The following ATAD2B variants were observed in gnomAD, a reference collection of about 807,000 sequenced individuals.
ATAD2B encodes ATPase family AAA domain-containing protein 2B.
ATAD2B carries 40 observed loss-of-function variants against 167.6 expected under a neutral mutation model. That is an observed-to-expected ratio of 0.24 (90% CI 0.19 to 0.31). The LOEUF is 0.31. Ranked by LOEUF, ATAD2B falls within the 10% of genes least tolerant of loss-of-function variation. The pLI is 1.00. For missense variants in ATAD2B, 1,242 were observed against 1,757.2 expected, an observed-to-expected ratio of 0.71 and a Z score of 5.24; for synonymous variants, 579 against 596.5, an observed-to-expected ratio of 0.97 and a Z score of 0.43.
intron 12 of ATAD2B, among the ~76,000 whole-genome samples, chr2:23,857,739 ATTT>A (rs34857462): frequency 3.3e-5 from 4 of 120,646 alleles, no homozygotes; most frequent in Non-Finnish European, 3.3e-5. Context: ...ACCAAAGTGT[ATTT>A]TTTTTTTTTT....
chr2:23,725,549 G>A, the ATAD2B span, among the ~76,000 whole-genome samples: 1 of 152,052 alleles, frequency 6.6e-6, no homozygotes. Context: ...TATTACTTAA[G>A]GTAGAAAAAT....
intron 24 of ATAD2B, among the ~76,000 whole-genome samples, chr2:23,759,765 T>C (rs978726384): frequency 6.6e-6 from 1 of 152,172 alleles, no homozygotes; most frequent in Non-Finnish European, 1.5e-5. Context: ...AGAAGAAAAT[T>C]TCTGTATTAA....
At chr2:23,905,053 G>T (rs1305266183) in intron 1 of ATAD2B, among the ~76,000 whole-genome samples, 1 of 151,932 alleles carries the variant, frequency 6.6e-6, no homozygotes, top group East Asian at 1.9e-4. Context: ...TACAGAAAGA[G>T]AAAAAAATAC....
intron 20 of ATAD2B, among the ~76,000 whole-genome samples, chr2:23,787,809 A>G (rs1313001650): frequency 5.9e-5 from 9 of 152,080 alleles, no homozygotes; most frequent in Admixed American, 2.6e-4. Context: ...AAGATTAAGC[A>G]GGTAGATCTT....
At chr2:23,845,047 A>G (rs60602834) in intron 13 of ATAD2B, among the ~76,000 whole-genome samples, 243 of 152,306 alleles carry the variant, frequency 1.6e-3, no homozygotes, top group African/African-American at 5.7e-3. Flanking sequence ...CTGAAGCAAT[A>G]CAAATGAGAA....
chr2:23,892,970 T>C (rs896437180), intron 2 of ATAD2B, among the ~76,000 whole-genome samples: 1 of 152,204 alleles, frequency 6.6e-6, no homozygotes, highest in Non-Finnish European at 1.5e-5. Flanking sequence ...TATTTGGGAA[T>C]TTCTATATAC....
intron 1 of ATAD2B, 110 bp downstream of exon 1, chr2:23,926,445 C>T (rs1704835214): frequency 5.6e-6 from 8 of 1,433,074 alleles, no homozygotes; most frequent in Non-Finnish European, 7.3e-6. Flanking sequence ...TGTCTCCAGC[C>T]GCCCGAGCGG....
chr2:23,754,334 T>A (rs997077035), intron 26 of ATAD2B, 27 bp from the exon 27 acceptor site: 5 of 1,530,078 alleles, frequency 3.3e-6, no homozygotes, highest in Non-Finnish European at 3.5e-6. Flanking sequence ...AAGAATAAAA[T>A]GTAATTTGAT....
At chr2:23,810,221 T>C (rs1365198354) in intron 18 of ATAD2B, 95 bp downstream of exon 18, 1 of 1,115,928 alleles carries the variant, frequency 9.0e-7, no homozygotes, top group African/African-American at 1.6e-5. Context: ...TATCGTACTC[T>C]GAAAAAATCT....
intron 23 of ATAD2B, among the ~76,000 whole-genome samples, chr2:23,763,343 C>T (rs1260320012): frequency 6.6e-6 from 1 of 152,152 alleles, no homozygotes; most frequent in Non-Finnish European, 1.5e-5. Flanking sequence ...TTTTGTTCCC[C>T]AACAGCTTTA....
the ATAD2B span, among the ~76,000 whole-genome samples, chr2:23,679,763 C>T: frequency 1.3e-5 from 2 of 152,140 alleles, no homozygotes; most frequent in African/African-American, 4.8e-5. Context: ...TGCCAGCCTC[C>T]GGAGGAGGGC....
intron 18 of ATAD2B, among the ~76,000 whole-genome samples, chr2:23,808,016 T>A (rs184859548): frequency 1.5e-4 from 15 of 97,790 alleles, no homozygotes; most frequent in Non-Finnish European, 2.5e-4. Flanking sequence ...TTATATATAT[T>A]ATTTATTTAT....
intron 24 of ATAD2B, among the ~76,000 whole-genome samples, chr2:23,760,697 TATACACACAC>T (rs1329964758): frequency 5.1e-5 from 6 of 118,008 alleles, no homozygotes; most frequent in Non-Finnish European, 1.1e-4. Context: ...AATTTATATA[TATACACACAC>T]ACACACACAC....
chr2:23,875,055 C>CAA (rs66995474), intron 8 of ATAD2B, among the ~76,000 whole-genome samples: 3,051 of 126,878 alleles, frequency 0.024, 154 homozygotes, highest in African/African-American at 0.08. Flanking sequence ...GATTCCATCT[C>CAA]AAAAAAAAAA....
chr2:23,781,841 A>G (rs1293252705), intron 22 of ATAD2B, among the ~76,000 whole-genome samples: 1 of 144,442 alleles, frequency 6.9e-6, no homozygotes, highest in Admixed American at 7.2e-5. Flanking sequence ...GAGAAAGGCT[A>G]TCGCTATGTT....
intron 1 of ATAD2B, among the ~76,000 whole-genome samples, chr2:23,925,361 T>C (rs963725): frequency 0.1 from 15,641 of 152,234 alleles, 923 homozygotes; most frequent in Middle Eastern, 0.17. Context: ...GGTAAAATAT[T>C]CCTGTCTCTG....
At chr2:23,882,907 A>C (rs1209018441) in intron 6 of ATAD2B, among the ~76,000 whole-genome samples, 1 of 152,170 alleles carries the variant, frequency 6.6e-6, no homozygotes, top group Non-Finnish European at 1.5e-5. Context: ...AAGAACTGTC[A>C]ATACAACACA....
intron 17 of ATAD2B, chr2:23,811,447 CA>C (rs1685574474): frequency 6.6e-6 from 1 of 152,270 alleles, no homozygotes; most frequent in Non-Finnish European, 1.5e-5. Context: ...CACCAGACAC[CA>C]AATCTGCCAG....
At chr2:23,806,716 G>C (rs1224313154) in intron 18 of ATAD2B, among the ~76,000 whole-genome samples, 2 of 152,120 alleles carry the variant, frequency 1.3e-5, no homozygotes, top group African/African-American at 4.8e-5. Context: ...CAGTAGCAGT[G>C]GCAGCAATGG....
Sources: gnomAD v4.1 joint callset for allele counts (sites outside exome capture counted in the v4.1 genomes callset) on GRCh38, gnomAD v4.1.1 for gene constraint, MANE v1.5 for transcripts, NCBI Gene and HGNC (gene_info 2026-07-23, HGNC 2026-07-21) for gene names.